Variants in ANKRD28 observed in about 807,000 individuals in gnomAD.
ANKRD28 encodes serine/threonine-protein phosphatase 6 regulatory ankyrin repeat subunit A.
ANKRD28 carries 44 observed loss-of-function variants against 126.5 expected under a neutral mutation model. The ratio of observed to expected loss-of-function variants is 0.35; its 90% confidence interval spans 0.27 to 0.45. The LOEUF is 0.45. Ranked by LOEUF, ANKRD28 falls within the 20% of genes least tolerant of loss-of-function variation. The pLI is 1.00. For synonymous variants in ANKRD28, 442 were observed against 468.5 expected (o/e 0.94, Z 0.73); for missense variants, 1,110 against 1,316.6 (o/e 0.84, Z 2.43).
chr3:15,782,416 T>C (rs2059580153), intron 2 of ANKRD28, among the ~76,000 whole-genome samples: 1 of 152,212 alleles, frequency 6.6e-6, no homozygotes, highest in Non-Finnish European at 1.5e-5. Context: ...TTACAAAATA[T>C]TGGTGAGAGA....
intron 14 of ANKRD28, among the ~76,000 whole-genome samples, chr3:15,706,657 A>G (rs2071474805): frequency 6.6e-6 from 1 of 152,168 alleles, no homozygotes; most frequent in Non-Finnish European, 1.5e-5. Context: ...TCCTTGATGA[A>G]TCGCCACACT....
intron 2 of ANKRD28, among the ~76,000 whole-genome samples, chr3:15,779,079 T>C (rs1446280403): frequency 2.0e-5 from 3 of 152,104 alleles, no homozygotes; most frequent in African/African-American, 7.2e-5. Flanking sequence ...AATTACCCAG[T>C]CTCAGGTAGT....
exon 1 of ANKRD28, chr3:15,859,429 GCCT>G (rs758108221): frequency 7.8e-5 from 118 of 1,510,992 alleles, no homozygotes; most frequent in Admixed American, 1.0e-4. Context: ...GCCCACTCCA[GCCT>G]CCTCCTCCTC....
chr3:15,824,891 C>T (rs2061025383), intron 1 of ANKRD28, among the ~76,000 whole-genome samples: 1 of 152,188 alleles, frequency 6.6e-6, no homozygotes, highest in Admixed American at 6.5e-5. Context: ...TAGAAATATA[C>T]ATTGATACAG....
chr3:15,834,033 G>A (rs2061267487), intron 1 of ANKRD28, among the ~76,000 whole-genome samples: 1 of 152,080 alleles, frequency 6.6e-6, no homozygotes, highest in Non-Finnish European at 1.5e-5. Context: ...TCTGTAGGTT[G>A]TATGTTTACT....
At chr3:15,724,632 A>C (rs1279250941) in intron 6 of ANKRD28, 108 bp from the exon 7 acceptor site, 1 of 979,584 alleles carries the variant, frequency 1.0e-6, no homozygotes, top group African/African-American at 1.6e-5. Context: ...TAGATGATGC[A>C]TGACAAGTCA....
At chr3:15,752,782 G>A (rs773556318) in intron 3 of ANKRD28, among the ~76,000 whole-genome samples, 1 of 152,108 alleles carries the variant, frequency 6.6e-6, no homozygotes, top group African/African-American at 2.4e-5. Flanking sequence ...ACTTCCTAAC[G>A]CTTACATTAT....
At chr3:15,762,339 A>G (rs1299700273) in intron 3 of ANKRD28, among the ~76,000 whole-genome samples, 1 of 152,024 alleles carries the variant, frequency 6.6e-6, no homozygotes, top group Non-Finnish European at 1.5e-5. Context: ...CATCCTGATT[A>G]CTACCTATCT....
At chr3:15,768,135 A>C (rs769868669) in intron 2 of ANKRD28, among the ~76,000 whole-genome samples, 12 of 152,220 alleles carry the variant, frequency 7.9e-5, no homozygotes, top group Non-Finnish European at 1.6e-4. Flanking sequence ...AAACTTATTT[A>C]AAGTAGGTAG....
intron 1 of ANKRD28, among the ~76,000 whole-genome samples, chr3:15,804,124 T>C (rs183267781): frequency 4.8e-5 from 7 of 145,380 alleles, no homozygotes. Context: ...ATACATACCA[T>C]GCCAAGGAAT....
At chr3:15,788,058 TA>T (rs1419891061) in intron 2 of ANKRD28, among the ~76,000 whole-genome samples, 7 of 152,186 alleles carry the variant, frequency 4.6e-5, no homozygotes, top group African/African-American at 1.7e-4. Context: ...GGGTTGCTCA[TA>T]ATCTCAGCCT....
At chr3:15,793,824 G>A (rs2060144175) in intron 2 of ANKRD28, among the ~76,000 whole-genome samples, 2 of 152,194 alleles carry the variant, frequency 1.3e-5, no homozygotes, top group Admixed American at 6.5e-5. Context: ...CCAGCACTTT[G>A]GGAGGCCAAG....
intron 14 of ANKRD28, among the ~76,000 whole-genome samples, chr3:15,705,088 T>G (rs769039611): frequency 6.6e-6 from 1 of 152,164 alleles, no homozygotes; most frequent in Non-Finnish European, 1.5e-5. Flanking sequence ...ATTGGGTCTT[T>G]CGGATCCCAA....
intron 1 of ANKRD28, among the ~76,000 whole-genome samples, chr3:15,844,510 A>C (rs1244822357): frequency 6.6e-6 from 1 of 152,196 alleles, no homozygotes; most frequent in African/African-American, 2.4e-5. Context: ...CAGAACAAGA[A>C]GGTGAGCAGG....
At chr3:15,695,836 A>G (rs2069460223) in intron 15 of ANKRD28, among the ~76,000 whole-genome samples, 1 of 152,140 alleles carries the variant, frequency 6.6e-6, no homozygotes, top group South Asian at 2.1e-4. Flanking sequence ...ACACAGTTAT[A>G]GTTTTTTAGA....
At chr3:15,745,693 C>A (rs2057430365) in intron 4 of ANKRD28, among the ~76,000 whole-genome samples, 1 of 151,748 alleles carries the variant, frequency 6.6e-6, no homozygotes, top group Non-Finnish European at 1.5e-5. Context: ...GCTATGCAGG[C>A]TCCTTTTTGG....
rs1414935440 is a variant in ANKRD28, at chr3:15,670,211, T to G, written c.*59A>C. 1.9e-6 allele frequency: 3 copies of G among 1,558,862 alleles called. No individual in the cohort carries two copies. On this transcript the variant is annotated 3_prime_UTR_variant, in exon 28 of 28. Coordinates refer to ENST00000683139, the MANE Select transcript of ANKRD28 (RefSeq NM_001349278.2). ...TTTCTACGTGAATATCAAAGTGCCTTTTTCCTGAAAAAGCACAGTTTGAAG... is the reference window on the plus strand; with the variant it reads ...TTTCTACGTGAATATCAAAGTGCCTGTTTCCTGAAAAAGCACAGTTTGAAG...
At chr3:15,726,583 C>T (rs927533356) in intron 6 of ANKRD28, among the ~76,000 whole-genome samples, 3 of 152,118 alleles carry the variant, frequency 2.0e-5, no homozygotes, top group African/African-American at 4.8e-5. Context: ...TGAGGTTTAA[C>T]GAAAAAAGAT....
chr3:15,729,879 A>G (rs1575422781), intron 6 of ANKRD28, among the ~76,000 whole-genome samples: 1 of 152,182 alleles, frequency 6.6e-6, no homozygotes, highest in East Asian at 1.9e-4. Context: ...GTGTTAAGGT[A>G]ATTTTTAAAA....
Sources: allele counts gnomAD v4.1 joint callset (sites outside exome capture counted in the v4.1 genomes callset), GRCh38; gene constraint gnomAD v4.1.1; transcripts MANE v1.5; gene names NCBI Gene and HGNC (gene_info 2026-07-23, HGNC 2026-07-21).